PPP4R2: variants seen among roughly 807,000 people sequenced by gnomAD.
PPP4R2 encodes the protein serine/threonine-protein phosphatase 4 regulatory subunit 2.
A neutral mutation model predicts 47.2 loss-of-function variants in PPP4R2; 13 were observed. That is an observed-to-expected ratio of 0.28 (90% CI 0.18 to 0.44). The LOEUF (loss-of-function observed/expected upper bound fraction) is 0.44, where lower values mean the gene tolerates loss of function less well. Ranked by LOEUF, PPP4R2 falls within the 20% of genes least tolerant of loss-of-function variation. PPP4R2 has a pLI of 1.00. For synonymous variants in PPP4R2, 151 were observed against 163.3 expected, an observed-to-expected ratio of 0.92 and a Z score of 0.57; for missense variants, 421 against 491.2, an observed-to-expected ratio of 0.86 and a Z score of 1.35.
chr3:73,018,317 C>T (rs77293404), intron 2 of PPP4R2, among the ~76,000 whole-genome samples: 7,238 of 151,362 alleles, frequency 0.048, 577 homozygotes, highest in African/African-American at 0.17. Context: ...GGGTTGACAG[C>T]GGGATTTAAG....
At chr3:73,004,423 G>T (rs1701551393) in intron 2 of PPP4R2, among the ~76,000 whole-genome samples, 1 of 152,094 alleles carries the variant, frequency 6.6e-6, no homozygotes, top group Non-Finnish European at 1.5e-5. Context: ...TCTTAAGTTT[G>T]TTAATTCTAT....
At chr3:73,034,859 AC>A (rs1429866105) in intron 2 of PPP4R2, among the ~76,000 whole-genome samples, 37 of 151,620 alleles carry the variant, frequency 2.4e-4, no homozygotes, top group African/African-American at 8.2e-4. Context: ...AAAAAAAAAA[AC>A]ATTTCCAACA....
chr3:73,065,850 T>C lies in PPP4R2; in HGVS notation c.*128T>C. The C allele has an allele frequency of 1.6e-6, 1 of 610,900 alleles. No individual in the cohort carries two copies. Among genetic ancestry groups the C allele is most frequent in the Non-Finnish European group, 2.8e-6 (1 of 358,110 alleles). The allele number at this position is 610,900 out of a possible 1,614,324, so 37.8% of individuals were successfully genotyped here. On this transcript the variant is annotated 3_prime_UTR_variant, in exon 9 of 9. Transcript: ENST00000356692. The stretch of plus-strand genomic sequence containing the variant: ...GCAGGTTGTAAAATAAAGTACTTTA[T>C]GGATAATTCCTGAAAGAGTTGTACA...
At position 72,998,170 on chromosome 3, in the gene PPP4R2, A is replaced by G. The variant is rs768662169; in HGVS notation, c.116+12A>G. 2 of 1,577,344 alleles carry G rather than the reference A, an allele frequency of 1.3e-6. No individual in the cohort carries two copies. The highest frequency in any genetic ancestry group is 4.5e-5 in the East Asian group (2 of 44,384). On this transcript the variant is annotated intron_variant, in intron 2 of 8. Transcript: ENST00000356692. The stretch of plus-strand genomic sequence containing the variant: ...ACTGGAGAAACAATGTGAGTTGAAA[A>G]CATGCATTTGTCGTTATAGACCAGT...
At chr3:73,040,017 A>C (rs1214806083) in intron 2 of PPP4R2, among the ~76,000 whole-genome samples, 1 of 152,140 alleles carries the variant, frequency 6.6e-6, no homozygotes. Flanking sequence ...TCGCCATTGC[A>C]CTCCAGCCTG....
chr3:72,998,293 TTATA>T, intron 2 of PPP4R2, 135 bp downstream of exon 2: 6 of 570,642 alleles, frequency 1.1e-5, no homozygotes, highest in Non-Finnish European at 1.8e-5. Flanking sequence ...TTTAAATAAT[TTATA>T]TATTTACATT....
intron 2 of PPP4R2, among the ~76,000 whole-genome samples, chr3:73,032,732 G>T (rs12636471): frequency 0.13 from 20,263 of 152,072 alleles, 1,647 homozygotes; most frequent in East Asian, 0.35. Context: ...CTCCAAGCAT[G>T]CACACAAACT....
chr3:73,022,360 C>T (rs370129035), intron 2 of PPP4R2, among the ~76,000 whole-genome samples: 8 of 151,864 alleles, frequency 5.3e-5, no homozygotes, highest in African/African-American at 1.7e-4. Flanking sequence ...GGTTAGGGGC[C>T]TAAGACTGAT....
chr3:73,022,256 A>G (rs1701975538), intron 2 of PPP4R2, among the ~76,000 whole-genome samples: 1 of 152,178 alleles, frequency 6.6e-6, no homozygotes, highest in South Asian at 2.1e-4. Context: ...AAAATACATT[A>G]ACTTCATTTT....
intron 2 of PPP4R2, among the ~76,000 whole-genome samples, chr3:73,020,844 T>A (rs533012798): frequency 1.3e-4 from 20 of 152,104 alleles, no homozygotes; most frequent in African/African-American, 4.8e-4. Flanking sequence ...GCATAATTGG[T>A]GTGTCCTCAC....
intron 2 of PPP4R2, among the ~76,000 whole-genome samples, chr3:73,009,200 G>A (rs1030774121): frequency 2.0e-5 from 3 of 152,208 alleles, no homozygotes; most frequent in African/African-American, 7.2e-5. Context: ...TCTCTGTGCT[G>A]CAGCACTGTT....
intron 2 of PPP4R2, chr3:73,015,812 G>C (rs1701818373): frequency 2.2e-6 from 1 of 445,212 alleles, no homozygotes; most frequent in African/African-American, 2.0e-5. Context: ...TAATTTTTTT[G>C]TGTGTTTAGT....
At chr3:73,006,524 G>T (rs1164343824) in intron 2 of PPP4R2, among the ~76,000 whole-genome samples, 2 of 152,114 alleles carry the variant, frequency 1.3e-5, no homozygotes, top group Non-Finnish European at 2.9e-5. Flanking sequence ...GAGCACTCTC[G>T]TTGGTTTTGT....
rs1011078173 is a variant in PPP4R2, at chr3:73,012,390, T to G, written c.116+14232T>G. 6.6e-5 allele frequency among the ~76,000 whole-genome samples: 10 copies of G among 152,156 alleles called. No individual in the cohort carries two copies. The East Asian group carries it at 1.9e-3, about 29-fold the overall frequency. On this transcript the variant is annotated intron_variant, in intron 2 of 8. Transcript: ENST00000356692. ...TCTCAGCTCACTGCAACCTCTGGCT[T>G]CCGGGTTCACGCCATTCTCCTGCCT...
At chr3:73,062,392 A>C in intron 5 of PPP4R2, 2 of 1,607,398 alleles carry the variant, frequency 1.2e-6, no homozygotes, top group Non-Finnish European at 1.7e-6. Context: ...AAGGACATTA[A>C]AAAAGCAGCC....
chr3:73,044,309 T>C (rs1298577104), intron 2 of PPP4R2, among the ~76,000 whole-genome samples: 1 of 152,148 alleles, frequency 6.6e-6, no homozygotes, highest in African/African-American at 2.4e-5. Context: ...ACAAGAGTTT[T>C]GGTTTCTTGG....
At chr3:73,062,526 TCTAATA>T in intron 5 of PPP4R2, 3 of 1,613,832 alleles carry the variant, frequency 1.9e-6, no homozygotes, top group Non-Finnish European at 2.5e-6. Flanking sequence ...GAGCAAGAGG[TCTAATA>T]CTGTGGTTGG....
intron 2 of PPP4R2, among the ~76,000 whole-genome samples, chr3:73,034,733 A>G (rs866970471): frequency 2.6e-5 from 4 of 151,782 alleles, no homozygotes; most frequent in Admixed American, 6.6e-5. Flanking sequence ...GGATCTCGCT[A>G]TGTTGCCCAG....
At position 73,033,142 on chromosome 3, in the gene PPP4R2, G is replaced by A. The variant is rs539751623; in HGVS notation, c.117-14044G>A. Reference sequence around the variant, plus strand: ...ACATCATTGTTTTGGTGGAATGAGAGGAGGCACAATAACAATTTTTTTTGT... The same window carrying A: ...ACATCATTGTTTTGGTGGAATGAGAAGAGGCACAATAACAATTTTTTTTGT... On this transcript the variant is annotated intron_variant, in intron 2 of 8. Coordinates refer to ENST00000356692, the MANE Select transcript of PPP4R2 (RefSeq NM_174907.4). 6.1e-4 allele frequency among the ~76,000 whole-genome samples: 93 copies of A among 152,288 alleles called. 1 individual carries two copies. Among genetic ancestry groups the A allele is most frequent in the Non-Finnish European group, 9.4e-4 (64 of 68,022 alleles).
Sources: gnomAD v4.1 joint callset for allele counts (sites outside exome capture counted in the v4.1 genomes callset) on GRCh38, gnomAD v4.1.1 for gene constraint, MANE v1.5 for transcripts, NCBI Gene and HGNC (gene_info 2026-07-23, HGNC 2026-07-21) for gene names.